CEP250: variants seen among roughly 807,000 people sequenced by gnomAD.
CEP250 encodes centrosomal protein 250, also known as centrosome-associated protein CEP250.
In CEP250, 242 loss-of-function variants were observed where a neutral mutation model predicts 315.7. That is an observed-to-expected ratio of 0.77 (90% CI 0.69 to 0.85). CEP250 has a LOEUF of 0.85. Ranked by LOEUF, CEP250 falls within the 40% of genes least tolerant of loss-of-function variation. CEP250 has a pLI of 0.00. For missense variants in CEP250, 2,515 were observed against 2,886.4 expected (o/e 0.87, Z 2.95); for synonymous variants, 1,088 against 1,175.0 (o/e 0.93, Z 1.51).
Position 35,472,050 on chromosome 20 carries a change from G to A in CEP250, c.949G>A (p.Glu317Lys), listed in dbSNP as rs2063036829. The A allele has an allele frequency of 4.4e-6, 7 of 1,591,998 alleles. No individual in the cohort carries two copies. The highest frequency in any genetic ancestry group is 6.0e-6 in the Non-Finnish European group (7 of 1,159,876). ...AGGCTCTGTTCTATTCCCTGTTCAG[G>A]AGACAAATCACACAGAATTAATGGA... ...KALRETVEIL[E>K]TNHTELMEHE... Residue 317 changes from glutamate to lysine, a missense_variant and splice_region_variant, in exon 11 of 35, where the codon GAG becomes AAG. Coordinates refer to ENST00000397527, the MANE Select transcript of CEP250 (RefSeq NM_007186.6).
chr20:35,479,869 G>A (rs2063293723), intron 19 of CEP250, 96 bp downstream of exon 19: 3 of 1,597,348 alleles, frequency 1.9e-6, no homozygotes, highest in Admixed American at 1.7e-5. Context: ...TCTCCAGCAG[G>A]GTGCAGGGCC....
intron 34 of CEP250, 34 bp from the exon 35 acceptor site, chr20:35,511,329 G>C: frequency 6.4e-7 from 1 of 1,557,728 alleles, no homozygotes; most frequent in Non-Finnish European, 8.7e-7. Flanking sequence ...GCCCTCAGCT[G>C]CTCTCGCTTT....
intron 9 of CEP250, among the ~76,000 whole-genome samples, chr20:35,468,508 G>A (rs11906474): frequency 1.3e-5 from 2 of 152,194 alleles, no homozygotes; most frequent in African/African-American, 2.4e-5. Flanking sequence ...TGCCCATGAC[G>A]AGGGTTGTAT....
At chr20:35,506,277 A>G (rs2064183017) in intron 30 of CEP250, among the ~76,000 whole-genome samples, 1 of 152,188 alleles carries the variant, frequency 6.6e-6, no homozygotes, top group South Asian at 2.1e-4. Flanking sequence ...GATGGAGTTG[A>G]AGCCAGAGAC....
Position 35,502,936 on chromosome 20 carries a change from G to A in CEP250, c.4567G>A (p.Val1523Ile), listed in dbSNP as rs558321170. ...GAAGGATCGGGAGACTCAGAGGAAC[G>A]TCTTGGAGCATCAGCTTCTAGAACT... is the stretch of plus-strand genomic sequence containing the variant. ...LEKDRETQRN[V>I]LEHQLLELEK... The change falls in exon 30 of 35, where the codon GTC becomes ATC. Residue 1523 changes from valine to isoleucine, a missense_variant. Val to Ile is a conservative substitution (Grantham distance 29, BLOSUM62 3). Transcript: ENST00000397527. 2.4e-5 allele frequency: 39 copies of A among 1,614,238 alleles called. No homozygotes were observed. The highest frequency in any genetic ancestry group is 3.1e-5 in the Non-Finnish European group (37 of 1,180,042).
rs148175748 is a variant in CEP250, at chr20:35,505,999, A to G, written c.6636+994A>G. On this transcript the variant is annotated intron_variant, in intron 30 of 34. Transcript: ENST00000397527. The stretch of plus-strand genomic sequence containing the variant: ...CTGGAGAGACCCACTGGGAGGCTGT[A>G]CTGGGAAGTCCAGGGGAGAGCTTGT... 9.0e-3 allele frequency among the ~76,000 whole-genome samples: 1,365 copies of G among 152,296 alleles called. 89 individuals carry two copies. The highest frequency in any genetic ancestry group is 0.08 in the Admixed American group (1,227 of 15,290).
chr20:35,471,352 T>A (rs2146768507), intron 10 of CEP250, among the ~76,000 whole-genome samples: 1 of 152,340 alleles, frequency 6.6e-6, no homozygotes, highest in Admixed American at 6.5e-5. Context: ...CTTCAGTAAA[T>A]CGTTTCCATG....
chr20:35,478,033 GC>G lies in CEP250; in HGVS notation c.2027del (p.Ala676ValfsTer21). The G allele has an allele frequency of 6.2e-7, 1 of 1,614,138 alleles. No individual in the cohort carries two copies. Among genetic ancestry groups the G allele is most frequent in the Non-Finnish European group, 8.5e-7 (1 of 1,180,028 alleles). ...AQLQKAEEAG[A>X]ELQADLRDIQ... is the part of the protein sequence containing the mutation. Reference sequence around the variant, plus strand: ...GCTGCAGAAAGCTGAGGAGGCTGGGGCTGAGCTGCAGGCAGATCTCAGGGAC... The same window carrying G: ...GCTGCAGAAAGCTGAGGAGGCTGGGGTGAGCTGCAGGCAGATCTCAGGGAC... On this transcript the variant is annotated frameshift_variant, in exon 17 of 35. Coordinates refer to ENST00000397527, the MANE Select transcript of CEP250 (RefSeq NM_007186.6). LOFTEE classifies it high-confidence loss of function.
In CEP250 at chr20:35,504,065, A is replaced by C. The variant is rs544616999; in HGVS notation, c.5696A>C (p.Gln1899Pro). The change falls in exon 30 of 35, where the codon CAG (glutamine) becomes CCG (proline). Residue 1899 changes from glutamine (Q) to proline (P), a missense_variant. By Grantham distance (76) the Gln-to-Pro change is moderately conservative. Transcript: ENST00000397527. ...LGDLRAESRE[Q>P]EKALLALQQQ... is the part of the protein sequence containing the mutation. ...GACCTAAGGGCTGAGTCTCGGGAAC[A>C]GGAGAAAGCTCTGTTGGCCCTCCAG... 6.2e-7 allele frequency: 1 copy of C among 1,606,382 alleles called. No individual in the cohort carries two copies. Among genetic ancestry groups the C allele is most frequent in the African/African-American group, 1.3e-5 (1 of 74,774 alleles).
In CEP250 at chr20:35,497,801, C is replaced by A. The variant is rs376566049; in HGVS notation, c.3389C>A (p.Ala1130Glu). 1.3e-6 allele frequency: 2 copies of A among 1,561,336 alleles called. No homozygotes were observed. The highest frequency in any genetic ancestry group is 8.7e-7 in the Non-Finnish European group (1 of 1,152,352). ...QEAQLLEELE[A>E]SHITEQQLRA... ...GCACAGCTGCTGGAGGAGCTGGAGGCGTCTCATATCACGGAGCAGCAGCTG... is the reference window on the plus strand; with the variant it reads ...GCACAGCTGCTGGAGGAGCTGGAGGAGTCTCATATCACGGAGCAGCAGCTG... Residue 1130 changes from alanine to glutamate, a missense_variant, in exon 26 of 35, where the codon GCG becomes GAG. Transcript: ENST00000397527.
chr20:35,495,002 TGAGA>T (rs760054857), intron 24 of CEP250, among the ~76,000 whole-genome samples: 6 of 151,952 alleles, frequency 3.9e-5, no homozygotes, highest in South Asian at 4.2e-4. Context: ...GGAAACAGGG[TGAGA>T]GAGAGAAGAG....
At chr20:35,475,415 A>C in intron 14 of CEP250, 87 bp from the exon 15 acceptor site, 1 of 1,357,324 alleles carries the variant, frequency 7.4e-7, no homozygotes, top group Non-Finnish European at 1.0e-6. Flanking sequence ...ATTCTGTTGC[A>C]TAGCAAAGGT....
At chr20:35,493,050 AG>A (rs1188481990) in intron 22 of CEP250, among the ~76,000 whole-genome samples, 2 of 152,068 alleles carry the variant, frequency 1.3e-5, no homozygotes, top group African/African-American at 4.8e-5. Flanking sequence ...TTTAAAAAGC[AG>A]GGGTGGGATA....
Position 35,479,139 on chromosome 20 carries a change from A to C in CEP250, c.2095-92A>C, listed in dbSNP as rs2063263779. The C allele has an allele frequency of 4.8e-6, 6 of 1,259,790 alleles. No individual in the cohort carries two copies. The South Asian group carries it at 5.6e-5, about 12-fold the overall frequency. 78.0% of individuals were successfully genotyped at this position (1,259,790 alleles called of 1,614,324 possible). ...TCCGGGCTCACAGAGCTGGGTCCAGAATCTCTGAAGAGGCAATGACCCTAA... is the reference window on the plus strand; with the variant it reads ...TCCGGGCTCACAGAGCTGGGTCCAGCATCTCTGAAGAGGCAATGACCCTAA... On this transcript the variant is annotated intron_variant, in intron 17 of 34. Transcript: ENST00000397527.
At chr20:35,480,575 CTTGCTTTTTTATATCTTT>C (rs888094418) in intron 20 of CEP250, among the ~76,000 whole-genome samples, 1 of 142,912 alleles carries the variant, frequency 7.0e-6, no homozygotes, top group African/African-American at 2.6e-5. Context: ...TGTTATTTGT[CTTGCTTTTTTATATCTTT>C]TTTTTTTTTT....
rs1299332902 is a variant in CEP250 at position 35,503,518 on chromosome 20, A to G, written c.5149A>G (p.Ser1717Gly). 2 of 1,614,136 alleles carry G rather than the reference A, an allele frequency of 1.2e-6. No homozygotes were observed. The highest frequency in any genetic ancestry group is 2.2e-5 in the East Asian group (1 of 44,878). The part of the protein sequence containing the change: ...QERAEEGKGP[S>G]KAQRGSLEHM... ...ACGGGCAGAGGAAGGGAAGGGCCCA[A>G]GTAAAGCACAGCGCGGGAGCCTAGA... Residue 1717 changes from serine to glycine, a missense_variant, in exon 30 of 35, where the codon AGT (serine) becomes GGT (glycine). Coordinates refer to ENST00000397527, the MANE Select transcript of CEP250 (RefSeq NM_007186.6). This position sits in a 1 kb window ranked among gnomAD's most constrained non-coding sequence, Gnocchi z 4.2.
chr20:35,514,152 G>A lies in CEP250; in HGVS notation c.*2526G>A, dbSNP rs1436986520. On this transcript the variant is annotated 3_prime_UTR_variant, in exon 35 of 35. Coordinates refer to ENST00000397527, the MANE Select transcript of CEP250 (RefSeq NM_007186.6). ...GAAGGAATATGTGTCATCCAGGGGG[G>A]ACCCAACTTTGCCTAAGGGCATGAG... is the stretch of plus-strand genomic sequence containing the variant. The A allele has an allele frequency of 1.3e-5, 2 of 152,326 alleles. No individual in the cohort carries two copies. Among genetic ancestry groups the A allele is most frequent in the Non-Finnish European group, 2.9e-5 (2 of 68,106 alleles). 9.4% of individuals were successfully genotyped at this position (152,326 alleles called of 1,614,324 possible).
At chr20:35,498,772 G>A (rs1335396620) in intron 27 of CEP250, 56 bp downstream of exon 27, 6 of 1,503,564 alleles carry the variant, frequency 4.0e-6, no homozygotes, top group Non-Finnish European at 4.4e-6. Flanking sequence ...AAAGCATGAG[G>A]CAAAGGGGTG....
Position 35,493,510 on chromosome 20 carries a change from C to T in CEP250, c.2971C>T (p.Leu991Phe), listed in dbSNP as rs1164196893. The T allele has an allele frequency of 3.7e-6, 6 of 1,608,958 alleles. No homozygotes were observed. In the Admixed American group the frequency reaches 8.4e-5, roughly 23 times the overall value. ...KEAARQHRDDLAALQEESSSL... is the reference protein window; with the variant it reads ...KEAARQHRDDFAALQEESSSL... ...GGCAGCCCGGCAGCACAGAGATGACCTTGCTGCCCTCCAAGAAGAGAGCAG... is the reference window on the plus strand; with the variant it reads ...GGCAGCCCGGCAGCACAGAGATGACTTTGCTGCCCTCCAAGAAGAGAGCAG... Residue 991 changes from leucine to phenylalanine, a missense_variant, in exon 23 of 35, where the codon CTT becomes TTT. Coordinates refer to ENST00000397527, the MANE Select transcript of CEP250 (RefSeq NM_007186.6).
Sources: allele counts gnomAD v4.1 joint callset (sites outside exome capture counted in the v4.1 genomes callset), GRCh38; gene constraint gnomAD v4.1.1; non-coding constraint Gnocchi (gnomAD v3.1); transcripts MANE v1.5; gene names NCBI Gene and HGNC (gene_info 2026-07-23, HGNC 2026-07-21).